Variants in GRM8 observed in about 807,000 individuals in gnomAD.
GRM8 encodes the protein glutamate metabotropic receptor 8, also known as metabotropic glutamate receptor 8.
A neutral mutation model predicts 87.2 loss-of-function variants in GRM8; 47 were observed. The observed-to-expected ratio is 0.54, with a 90% CI of 0.43 to 0.69. GRM8 has a LOEUF of 0.69. GRM8 is among the 30% of genes least tolerant of loss of function. The pLI, the probability that GRM8 is intolerant of heterozygous loss-of-function variation, is 0.00. For missense variants in GRM8, 1,019 were observed against 1,139.2 expected (o/e 0.89, Z 1.52); for synonymous variants, 396 against 404.5 (o/e 0.98, Z 0.25).
intron 6 of GRM8, among the ~76,000 whole-genome samples, chr7:126,857,871 C>T (rs151047466): frequency 6.0e-4 from 92 of 152,204 alleles, no homozygotes; most frequent in Non-Finnish European, 1.2e-3. Context: ...ATCTCTTGAG[C>T]CCAGAAGTTC....
intron 9 of GRM8, 120 bp from the exon 10 acceptor site, chr7:126,446,492 C>T (rs1019475396): frequency 1.7e-5 from 11 of 653,834 alleles, no homozygotes; most frequent in Admixed American, 1.4e-4. Flanking sequence ...TTAAAAGGCA[C>T]TTATTGAAAT....
intron 3 of GRM8, among the ~76,000 whole-genome samples, chr7:126,947,057 A>C (rs985822992): frequency 2.6e-5 from 4 of 152,216 alleles, no homozygotes; most frequent in Admixed American, 1.3e-4. Flanking sequence ...ACTGAGGCTT[A>C]AGTGGGTTAT....
At chr7:127,016,538 T>C (rs1815684577) in intron 3 of GRM8, among the ~76,000 whole-genome samples, 1 of 152,056 alleles carries the variant, frequency 6.6e-6, no homozygotes, top group African/African-American at 2.4e-5. Context: ...TATGTATCTA[T>C]CAAAAAACCT....
chr7:126,678,544 C>A (rs1394616123), intron 7 of GRM8, among the ~76,000 whole-genome samples: 3 of 152,186 alleles, frequency 2.0e-5, no homozygotes, highest in African/African-American at 7.2e-5. Context: ...AGAGAAATAT[C>A]TTTATCCAAA....
chr7:126,845,044 C>G lies in GRM8; in HGVS notation c.1156+57498G>C, dbSNP rs143857168. Among the ~76,000 whole-genome samples, 384 of 152,300 alleles carry G rather than the reference C, an allele frequency of 2.5e-3. 2 individuals are homozygous for G. The highest frequency in any genetic ancestry group is 8.8e-3 in the African/African-American group (365 of 41,574). On this transcript the variant is annotated intron_variant, in intron 6 of 10. Transcript: ENST00000339582. ...GACTCCAAGCCCACACCATCTCTAC[C>G]TTACCTTGCCCCTCTTGCCCTCTGG...
chr7:126,545,799 T>A (rs2150910309), intron 8 of GRM8, among the ~76,000 whole-genome samples: 1 of 152,332 alleles, frequency 6.6e-6, no homozygotes, highest in Middle Eastern at 3.4e-3. Flanking sequence ...TAATGGCAAT[T>A]CTGCAAATTT....
chr7:126,543,903 G>A (rs184471431), intron 8 of GRM8, among the ~76,000 whole-genome samples: 408 of 152,304 alleles, frequency 2.7e-3, no homozygotes, highest in Non-Finnish European at 4.7e-3. Context: ...CAATCAAATA[G>A]TTAATTTCAG....
chr7:126,867,493 T>C (rs986096241), intron 6 of GRM8, among the ~76,000 whole-genome samples: 7 of 152,190 alleles, frequency 4.6e-5, no homozygotes, highest in African/African-American at 1.4e-4. Flanking sequence ...TTTCAAGTAA[T>C]GAATCACCAG....
chr7:126,567,805 C>A (rs1240195424), intron 8 of GRM8, among the ~76,000 whole-genome samples: 1 of 152,110 alleles, frequency 6.6e-6, no homozygotes, highest in African/African-American at 2.4e-5. Context: ...CAGAAAGAGA[C>A]TATCAACCCT....
chr7:127,080,168 G>A (rs1822707563), intron 3 of GRM8, among the ~76,000 whole-genome samples: 1 of 152,086 alleles, frequency 6.6e-6, no homozygotes, highest in African/African-American at 2.4e-5. Context: ...GGGAGGCAGA[G>A]GAGTCATAAA....
At chr7:126,623,314 G>C (rs565684476) in intron 7 of GRM8, among the ~76,000 whole-genome samples, 2 of 152,014 alleles carry the variant, frequency 1.3e-5, no homozygotes, top group East Asian at 3.9e-4. Context: ...TTTTTTAATG[G>C]TGACATTAAT....
chr7:127,114,844 T>C (rs1279657853), intron 2 of GRM8, among the ~76,000 whole-genome samples: 4 of 152,196 alleles, frequency 2.6e-5, no homozygotes, highest in African/African-American at 9.6e-5. Context: ...TTCATGGGTA[T>C]TGTATGAGTC....
At chr7:126,601,177 C>T (rs1266688062) in intron 8 of GRM8, among the ~76,000 whole-genome samples, 2 of 150,016 alleles carry the variant, frequency 1.3e-5, no homozygotes, top group Non-Finnish European at 3.0e-5. Flanking sequence ...TGAGAATATG[C>T]GGTGTTTGGT....
At chr7:126,534,577 G>A (rs1320766222) in intron 8 of GRM8, among the ~76,000 whole-genome samples, 1 of 152,140 alleles carries the variant, frequency 6.6e-6, no homozygotes, top group Non-Finnish European at 1.5e-5. Context: ...TTAAAGCAGG[G>A]AAATTAGTAC....
chr7:127,097,980 G>A (rs1361485593), intron 3 of GRM8, among the ~76,000 whole-genome samples: 1 of 152,196 alleles, frequency 6.6e-6, no homozygotes, highest in Non-Finnish European at 1.5e-5. Context: ...TGGCTGGGGT[G>A]AAGAACAGCT....
At chr7:126,603,304 C>A (rs1798007384) in intron 8 of GRM8, among the ~76,000 whole-genome samples, 1 of 144,536 alleles carries the variant, frequency 6.9e-6, no homozygotes, top group African/African-American at 2.6e-5. Context: ...AAACTGGAAG[C>A]ATTCCCTTTG....
chr7:127,238,039 CT>C (rs1455240641), intron 2 of GRM8, among the ~76,000 whole-genome samples: 1 of 152,060 alleles, frequency 6.6e-6, no homozygotes, highest in Non-Finnish European at 1.5e-5. Context: ...AGACCCTCTC[CT>C]TTTTAAATTC....
At chr7:126,789,738 T>C (rs899102656) in intron 6 of GRM8, among the ~76,000 whole-genome samples, 1 of 152,214 alleles carries the variant, frequency 6.6e-6, no homozygotes, top group African/African-American at 2.4e-5. Flanking sequence ...AATTATTTCA[T>C]TCTAGTAAAA....
At chr7:126,794,664 A>G (rs1045105945) in intron 6 of GRM8, among the ~76,000 whole-genome samples, 1 of 152,186 alleles carries the variant, frequency 6.6e-6, no homozygotes, top group Admixed American at 6.5e-5. Flanking sequence ...TAATTTAAAA[A>G]TAAAAGAAAT....
Sources: gnomAD v4.1 joint callset for allele counts (sites outside exome capture counted in the v4.1 genomes callset) on GRCh38, gnomAD v4.1.1 for gene constraint, MANE v1.5 for transcripts, NCBI Gene and HGNC (gene_info 2026-07-23, HGNC 2026-07-21) for gene names.